PSMA3: variants seen among roughly 807,000 people sequenced by gnomAD.
PSMA3 encodes proteasome 20S subunit alpha 3.
PSMA3 carries 8 observed loss-of-function variants against 40.0 expected under a neutral mutation model. The ratio of observed to expected loss-of-function variants is 0.20; its 90% confidence interval spans 0.12 to 0.36. The LOEUF (loss-of-function observed/expected upper bound fraction) is 0.36. Ranked by LOEUF, PSMA3 falls within the 10% of genes least tolerant of loss-of-function variation. The pLI is 1.00. For missense variants in PSMA3, 219 were observed against 310.6 expected (o/e 0.70, Z 2.22); for synonymous variants, 110 against 100.0 (o/e 1.10, Z -0.59).
At chr14:58,267,541 C>T (rs1191081550) in intron 8 of PSMA3, 21 bp downstream of exon 8, 7 of 1,561,750 alleles carry the variant, frequency 4.5e-6, no homozygotes, top group South Asian at 1.3e-5. Flanking sequence ...ATTTTTCTTA[C>T]CATCCACAAA....
intron 1 of PSMA3, 161 bp downstream of exon 1, chr14:58,245,102 T>A: frequency 2.4e-6 from 2 of 841,586 alleles, no homozygotes; most frequent in South Asian, 1.4e-5. Context: ...CTTTATCCCC[T>A]ATATGCTAGG....
chr14:58,246,283 T>C (rs1393642184), intron 1 of PSMA3, among the ~76,000 whole-genome samples: 1 of 152,232 alleles, frequency 6.6e-6, no homozygotes, highest in Non-Finnish European at 1.5e-5. Flanking sequence ...CACCTTGCCA[T>C]TTTGCATCTA....
At chr14:58,271,040 A>G in intron 10 of PSMA3, 42 bp downstream of exon 10, 4 of 1,486,788 alleles carry the variant, frequency 2.7e-6, no homozygotes, top group South Asian at 1.2e-5. Flanking sequence ...AGGTACAGTC[A>G]GGGAATCACT....
intron 3 of PSMA3, 83 bp downstream of exon 3, chr14:58,252,325 A>G: frequency 6.7e-7 from 1 of 1,493,314 alleles, no homozygotes; most frequent in Non-Finnish European, 9.0e-7. Flanking sequence ...CTGTGCAGTC[A>G]CAAAAGTAAT....
chr14:58,261,520 G>T (rs537608218), intron 6 of PSMA3, among the ~76,000 whole-genome samples: 54 of 152,196 alleles, frequency 3.5e-4, no homozygotes, highest in African/African-American at 1.2e-3. Context: ...GCAGAGGAAA[G>T]ATTTTTTTTC....
chr14:58,254,843 CAA>C (rs1413383343), intron 3 of PSMA3, among the ~76,000 whole-genome samples: 2 of 152,092 alleles, frequency 1.3e-5, no homozygotes, highest in Admixed American at 6.6e-5. Flanking sequence ...GTCTGCAAAA[CAA>C]GAGTGATAAT....
intron 10 of PSMA3, 63 bp downstream of exon 10, chr14:58,271,061 G>A: frequency 8.0e-7 from 1 of 1,256,566 alleles, no homozygotes; most frequent in Non-Finnish European, 1.1e-6. Flanking sequence ...TAGCCCAGGA[G>A]TTTGAGACCA....
intron 1 of PSMA3, 52 bp from the exon 2 acceptor site, chr14:58,247,698 A>G: frequency 8.1e-7 from 1 of 1,230,128 alleles, no homozygotes; most frequent in Non-Finnish European, 1.2e-6. Context: ...AAGAAACTGT[A>G]TGGTCATTAC....
At chr14:58,249,424 A>C (rs1479921641) in intron 2 of PSMA3, among the ~76,000 whole-genome samples, 1 of 152,198 alleles carries the variant, frequency 6.6e-6, no homozygotes, top group Non-Finnish European at 1.5e-5. Context: ...TTTTGGGCTC[A>C]AGTAATCCTC....
Position 58,252,162 on chromosome 14 carries a change from G to A in PSMA3, c.148G>A (p.Val50Ile). ...ATGCAAAGATGGTGTTGTCTTTGGGGTAGAAAAATTAGTCCTTTCTAAACT... is the reference window on the plus strand; with the variant it reads ...ATGCAAAGATGGTGTTGTCTTTGGGATAGAAAAATTAGTCCTTTCTAAACT... ...IRCKDGVVFG[V>I]EKLVLSKLYE... is the part of the protein sequence containing the mutation. The change falls in exon 3 of 11, where the codon GTA becomes ATA. Residue 50 changes from valine to isoleucine, a missense_variant. By Grantham distance (29) the Val-to-Ile change is conservative (BLOSUM62 3). Coordinates refer to ENST00000216455, the MANE Select transcript of PSMA3 (RefSeq NM_002788.4). 6.2e-7 allele frequency: 1 copy of A among 1,613,234 alleles called. No homozygotes were observed. Among genetic ancestry groups the A allele is most frequent in the Non-Finnish European group, 8.5e-7 (1 of 1,179,630 alleles).
chr14:58,257,438 A>G (rs1890170281), intron 3 of PSMA3, among the ~76,000 whole-genome samples: 2 of 152,024 alleles, frequency 1.3e-5, no homozygotes, highest in South Asian at 4.1e-4. Flanking sequence ...GCAGAGTGTG[A>G]AGTGAGCGGA....
intron 6 of PSMA3, among the ~76,000 whole-genome samples, chr14:58,262,547 T>C (rs1229814540): frequency 1.4e-5 from 2 of 146,458 alleles, no homozygotes; most frequent in Non-Finnish European, 3.0e-5. Context: ...TTCTAAGAGC[T>C]TTCCCTAAAT....
intron 6 of PSMA3, among the ~76,000 whole-genome samples, chr14:58,262,800 T>C (rs1220734090): frequency 6.6e-6 from 1 of 151,814 alleles, no homozygotes; most frequent in Non-Finnish European, 1.5e-5. Flanking sequence ...TGGCCTCAAG[T>C]GATCCACGTG....
At chr14:58,258,437 A>G (rs918896839) in intron 5 of PSMA3, 2 of 30,682 alleles carry the variant, frequency 6.5e-5, no homozygotes, top group Non-Finnish European at 1.9e-4. Flanking sequence ...CTGCCTCTTT[A>G]AAAAAAAAAA....
intron 6 of PSMA3, among the ~76,000 whole-genome samples, chr14:58,261,923 C>T (rs1238462454): frequency 2.0e-5 from 3 of 151,714 alleles, no homozygotes; most frequent in Admixed American, 6.6e-5. Flanking sequence ...GCCATGTCAT[C>T]CCTTTTATTT....
intron 10 of PSMA3, among the ~76,000 whole-genome samples, chr14:58,271,327 CTTTTT>C (rs60528514): frequency 2.1e-4 from 22 of 102,380 alleles, no homozygotes; most frequent in African/African-American, 7.2e-4. Context: ...AATATTTGTT[CTTTTT>C]TTTTTTTTTT....
At position 58,266,204 on chromosome 14, in the gene PSMA3, T is replaced by C. The variant is rs578172132; in HGVS notation, c.544-1270T>C. The stretch of plus-strand genomic sequence containing the variant: ...AAAGTAGTACTCTTAAATTTAAATT[T>C]AGTGTTATTTTTGTTGTCATTGTTC... On this transcript the variant is annotated intron_variant, in intron 7 of 10. Transcript: ENST00000216455. 5.3e-5 allele frequency: 8 copies of C among 152,170 alleles called. No homozygotes were observed. The South Asian group carries it at 1.2e-3, about 24-fold the overall frequency. The allele number at this position is 152,170 out of a possible 1,614,324, so 9.4% of individuals were successfully genotyped here.
rs751689678 is a variant in PSMA3, at chr14:58,270,378, G to A, written c.591-40G>A. On this transcript the variant is annotated intron_variant, in intron 8 of 10. Coordinates refer to ENST00000216455, the MANE Select transcript of PSMA3 (RefSeq NM_002788.4). ...GGGTCTGTGAACTACTTCAATGTTTGGAGGTTACCAAAATCTTACCTTTCC... is the reference window on the plus strand; with the variant it reads ...GGGTCTGTGAACTACTTCAATGTTTAGAGGTTACCAAAATCTTACCTTTCC... 29 of 1,610,748 alleles carry A rather than the reference G, an allele frequency of 1.8e-5. No homozygotes were observed. The South Asian group carries it at 3.2e-4, about 18-fold the overall frequency.
chr14:58,248,892 G>A (rs1027059482), intron 2 of PSMA3, among the ~76,000 whole-genome samples: 5 of 152,140 alleles, frequency 3.3e-5, no homozygotes, highest in African/African-American at 1.2e-4. Context: ...GAACCTGGCA[G>A]GTGGACGTTG....
Sources: gnomAD v4.1 joint callset for allele counts (sites outside exome capture counted in the v4.1 genomes callset) on GRCh38, gnomAD v4.1.1 for gene constraint, MANE v1.5 for transcripts, NCBI Gene and HGNC (gene_info 2026-07-23, HGNC 2026-07-21) for gene names.